Variants in THAP4 observed in about 807,000 individuals in gnomAD.
THAP4 encodes peroxynitrite isomerase THAP4.
THAP4 carries 18 observed loss-of-function variants against 48.1 expected under a neutral mutation model. The observed-to-expected ratio is 0.37, with a 90% CI of 0.26 to 0.56. The LOEUF (loss-of-function observed/expected upper bound fraction) is 0.56, where lower values mean the gene tolerates loss of function less well. Ranked by LOEUF, THAP4 falls within the 20% of genes least tolerant of loss-of-function variation. The probability of loss-of-function intolerance (pLI) is 0.78; values close to 1 mark genes in which losing one functional copy is unlikely to be tolerated. For missense variants in THAP4, 656 were observed against 774.9 expected (o/e 0.85, Z 1.82); for synonymous variants, 345 against 324.9 (o/e 1.06, Z -0.66).
At chr2:241,613,730 G>A (rs1486834736) in intron 2 of THAP4, among the ~76,000 whole-genome samples, 7 of 152,074 alleles carry the variant, frequency 4.6e-5, no homozygotes, top group African/African-American at 1.7e-4. Flanking sequence ...ACTCCAACCT[G>A]GGTGACAGAG....
intron 2 of THAP4, among the ~76,000 whole-genome samples, chr2:241,623,239 AAAC>A (rs921228620): frequency 4.6e-5 from 7 of 151,840 alleles, no homozygotes; most frequent in African/African-American, 1.4e-4. Flanking sequence ...AATAAAAATA[AAAC>A]AACAACAAAA....
Position 241,637,029 on chromosome 2 carries a change from G to A in THAP4, c.-12C>T. 4.0e-6 allele frequency: 5 copies of A among 1,250,846 alleles called. No homozygotes were observed. Among genetic ancestry groups the A allele is most frequent in the Non-Finnish European group, 5.1e-6 (5 of 972,816 alleles). 77.5% of individuals were successfully genotyped at this position (1,250,846 alleles called of 1,614,324 possible). A position where few individuals can be genotyped will look rare whatever the true frequency, so the allele number is the denominator to read the frequency against. ...CAGCAGATCACCATCGCGGGCCTTG[G>A]CCCAGCCGCGCAGCCAGGCCCCGGC... is the stretch of plus-strand genomic sequence containing the variant. On this transcript the variant is annotated 5_prime_UTR_variant, in exon 1 of 6. Transcript: ENST00000407315.
intron 2 of THAP4, among the ~76,000 whole-genome samples, chr2:241,620,281 C>CG (rs1559230925): frequency 4.8e-5 from 1 of 20,766 alleles, no homozygotes; most frequent in Non-Finnish European, 8.6e-5. Flanking sequence ...GTGAGTGAGT[C>CG]GTGAGTGAGG....
chr2:241,609,316 G>T (rs2067231905), intron 2 of THAP4, among the ~76,000 whole-genome samples: 3 of 152,246 alleles, frequency 2.0e-5, no homozygotes. Flanking sequence ...ACCATTAATG[G>T]AGAAAAGGAA....
chr2:241,629,988 A>G (rs767969988), intron 2 of THAP4, among the ~76,000 whole-genome samples: 10 of 152,306 alleles, frequency 6.6e-5, no homozygotes, highest in South Asian at 2.1e-4. Context: ...CTAGCACTAC[A>G]CTGCAACAGT....
chr2:241,632,484 G>C (rs1479532175), intron 2 of THAP4, among the ~76,000 whole-genome samples: 2 of 152,140 alleles, frequency 1.3e-5, no homozygotes, highest in Non-Finnish European at 2.9e-5. Context: ...CTTAAAACGT[G>C]AACAGAAAGA....
At position 241,612,677 on chromosome 2, in the gene THAP4, T is replaced by C. The variant is rs1160052734; in HGVS notation, c.1241-6204A>G. Among the ~76,000 whole-genome samples, 1 of 152,252 alleles carries C rather than the reference T, an allele frequency of 6.6e-6. No homozygotes were observed. The highest frequency in any genetic ancestry group is 1.5e-5 in the Non-Finnish European group (1 of 68,050). ...GCAATCAGGCTCAAAAGAGCACATA[T>C]TCTGCAATTCCATTTCTGTGAAAGG... is the stretch of plus-strand genomic sequence containing the variant. On this transcript the variant is annotated intron_variant, in intron 2 of 5. Transcript: ENST00000407315. The surrounding 1 kb of genome is among the most constrained non-coding windows in gnomAD (Gnocchi z 4.1).
At chr2:241,637,177 A>AGCGGGC, upstream of THAP4, 1 of 969,946 alleles carries the variant, frequency 1.0e-6, no homozygotes, top group Middle Eastern at 5.2e-4. Flanking sequence ...AGGCGCCCGC[A>AGCGGGC]GCGGGCCCGC....
At chr2:241,607,551 A>C (rs563452338) in intron 2 of THAP4, among the ~76,000 whole-genome samples, 1 of 151,450 alleles carries the variant, frequency 6.6e-6, no homozygotes, top group African/African-American at 2.4e-5. Context: ...GACAGAACGG[A>C]CACTGACACC....
At chr2:241,637,330 C>G (rs1313601470), upstream of THAP4, 2 of 1,262,452 alleles carry the variant, frequency 1.6e-6, no homozygotes, top group Non-Finnish European at 2.0e-6. Context: ...CAAGTCCGTA[C>G]CGCGACATGG....
chr2:241,637,375 C>T (rs2067693779), upstream of THAP4: 4 of 1,388,288 alleles, frequency 2.9e-6, no homozygotes, highest in Non-Finnish European at 3.8e-6. Context: ...AAGATGGCTG[C>T]TCGGACGGGG....
chr2:241,605,939 C>T (rs1350455341), intron 3 of THAP4, among the ~76,000 whole-genome samples: 1 of 152,174 alleles, frequency 6.6e-6, no homozygotes, highest in Admixed American at 6.5e-5. Flanking sequence ...GTCTTCAATT[C>T]CTAAGCTCAA....
chr2:241,632,864 G>A, intron 2 of THAP4, 53 bp downstream of exon 2: 2 of 1,420,530 alleles, frequency 1.4e-6, no homozygotes, highest in Admixed American at 4.9e-5. Context: ...ACCTTGCAGA[G>A]AAACCCCTCC....
upstream of THAP4, chr2:241,637,506 C>A: frequency 6.9e-7 from 1 of 1,439,542 alleles, no homozygotes; most frequent in Non-Finnish European, 9.1e-7. Context: ...ACGACACGAC[C>A]CCATGCCGCC....
chr2:241,634,396 G>A (rs2067611204), intron 1 of THAP4, among the ~76,000 whole-genome samples: 1 of 152,212 alleles, frequency 6.6e-6, no homozygotes, highest in African/African-American at 2.4e-5. Flanking sequence ...ACAGTGCCAG[G>A]ATGGCCTCAG....
chr2:241,585,241 G>C lies in THAP4; in HGVS notation c.1615-516C>G, dbSNP rs552820770. On this transcript the variant is annotated intron_variant, in intron 5 of 5. Transcript: ENST00000407315. ...TTCATCAGAATAAATTATAGCAGCT[G>C]TTTCCAACAAGAATCCAAGCCTATG... Among the ~76,000 whole-genome samples the C allele has an allele frequency of 9.2e-5, 14 of 152,298 alleles. No homozygotes were observed. The South Asian group carries it at 2.1e-3, about 23-fold the overall frequency.
At chr2:241,620,767 T>TA (rs1271383683) in intron 2 of THAP4, among the ~76,000 whole-genome samples, 3 of 151,912 alleles carry the variant, frequency 2.0e-5, no homozygotes, top group Admixed American at 6.6e-5. Context: ...CTAAATCGAT[T>TA]AAAAAAAATT....
intron 3 of THAP4, among the ~76,000 whole-genome samples, chr2:241,605,546 G>A (rs1461886138): frequency 1.3e-5 from 2 of 152,150 alleles, no homozygotes; most frequent in Non-Finnish European, 2.9e-5. Context: ...CACCTGTGGG[G>A]AGCAGGTGGT....
chr2:241,620,489 A>G (rs377645946), intron 2 of THAP4, among the ~76,000 whole-genome samples: 202 of 43,202 alleles, frequency 4.7e-3, no homozygotes, highest in Middle Eastern at 0.021. Context: ...GTGAGTGAGG[A>G]GTGAGTGAGG....
Sources: gnomAD v4.1 joint callset for allele counts (sites outside exome capture counted in the v4.1 genomes callset) on GRCh38, gnomAD v4.1.1 for gene constraint, Gnocchi (gnomAD v3.1) non-coding constraint, MANE v1.5 for transcripts, NCBI Gene and HGNC (gene_info 2026-07-23, HGNC 2026-07-21) for gene names.